The following CLASP1 variants were observed in gnomAD, a reference collection of about 807,000 sequenced individuals.
The protein encoded by CLASP1 is cytoplasmic linker associated protein 1.
CLASP1 carries 38 observed loss-of-function variants against 192.3 expected under a neutral mutation model. The ratio of observed to expected loss-of-function variants is 0.20; its 90% CI spans 0.15 to 0.26. CLASP1 has a LOEUF of 0.26. Among genes scored for constraint, CLASP1 ranks in the 10% least tolerant of loss-of-function variants. CLASP1 has a pLI of 1.00. For synonymous variants in CLASP1, 691 were observed against 712.8 expected, an observed-to-expected ratio of 0.97 and a Z score of 0.49; for missense variants, 1,433 against 1,932.5, an observed-to-expected ratio of 0.74 and a Z score of 4.85.
intron 6 of CLASP1, among the ~76,000 whole-genome samples, chr2:121,524,509 T>C (rs1489867919): frequency 6.6e-6 from 1 of 152,034 alleles, no homozygotes; most frequent in African/African-American, 2.4e-5. Context: ...CAGGCTGGAA[T>C]GCAGTGGCAC....
intron 8 of CLASP1, among the ~76,000 whole-genome samples, chr2:121,472,106 C>T (rs1302740041): frequency 6.6e-6 from 1 of 152,086 alleles, no homozygotes; most frequent in Non-Finnish European, 1.5e-5. Flanking sequence ...GTCTGTGGGA[C>T]AGGTAAAAAA....
At chr2:121,572,747 T>C (rs1175189069) in intron 2 of CLASP1, among the ~76,000 whole-genome samples, 1 of 138,808 alleles carries the variant, frequency 7.2e-6, no homozygotes. Flanking sequence ...AATATATATA[T>C]GATAATTTTT....
chr2:121,531,086 G>A (rs975585610), intron 2 of CLASP1: 16 of 669,844 alleles, frequency 2.4e-5, no homozygotes, highest in East Asian at 8.3e-5. Flanking sequence ...GGTTAAACCA[G>A]TAGAGGGTGC....
chr2:121,462,708 A>G (rs2088358806), intron 9 of CLASP1, 103 bp from the exon 10 acceptor site: 1 of 688,516 alleles, frequency 1.5e-6, no homozygotes, highest in Non-Finnish European at 2.5e-6. Context: ...ATTTTGGAAG[A>G]TTCAGAACAT....
intron 39 of CLASP1, among the ~76,000 whole-genome samples, chr2:121,344,111 A>G (rs1169353217): frequency 2.0e-5 from 3 of 152,048 alleles, no homozygotes; most frequent in Non-Finnish European, 4.4e-5. Flanking sequence ...TTATACCACA[A>G]TAAAAAGACT....
chr2:121,555,113 AAG>A (rs1009526232), intron 2 of CLASP1, among the ~76,000 whole-genome samples: 1 of 152,208 alleles, frequency 6.6e-6, no homozygotes, highest in African/African-American at 2.4e-5. Context: ...TAATGGAGTC[AAG>A]AACTCCCTGG....
At chr2:121,515,802 A>G in intron 6 of CLASP1, 40 bp from the exon 7 acceptor site, 1 of 1,566,224 alleles carries the variant, frequency 6.4e-7, no homozygotes, top group Non-Finnish European at 8.8e-7. Context: ...GCTCTGTGTC[A>G]TCCCCCAGCA....
intron 38 of CLASP1, among the ~76,000 whole-genome samples, chr2:121,348,001 A>T (rs1336365985): frequency 1.1e-4 from 14 of 132,074 alleles, no homozygotes; most frequent in Non-Finnish European, 3.1e-5. Flanking sequence ...CCATGGTGAC[A>T]CCTGTCATTG....
intron 34 of CLASP1, among the ~76,000 whole-genome samples, chr2:121,376,473 T>A (rs2070169380): frequency 6.8e-6 from 1 of 147,226 alleles, no homozygotes; most frequent in African/African-American, 2.5e-5. Context: ...TAGTAAGAGT[T>A]GAGCTCATAG....
chr2:121,630,679 C>A (rs1358230242), intron 1 of CLASP1, among the ~76,000 whole-genome samples: 1 of 150,062 alleles, frequency 6.7e-6, no homozygotes, highest in East Asian at 2.0e-4. Flanking sequence ...GCCTGGCCAA[C>A]ATGGCAAAAC....
chr2:121,486,660 T>C (rs1222574351), intron 8 of CLASP1, among the ~76,000 whole-genome samples: 2 of 152,180 alleles, frequency 1.3e-5, no homozygotes, highest in Non-Finnish European at 2.9e-5. Flanking sequence ...AGTAAGTCAG[T>C]TGGAAAAACT....
chr2:121,595,757 G>T (rs554254116), intron 2 of CLASP1, among the ~76,000 whole-genome samples: 1 of 152,168 alleles, frequency 6.6e-6, no homozygotes, highest in Non-Finnish European at 1.5e-5. Context: ...CAGAGCACAG[G>T]CTAACTGACT....
chr2:121,398,536 C>T lies in CLASP1; in HGVS notation c.2901-136G>A, dbSNP rs977479252. ...CACATTTTTAATAAATAGTGCTTTTCGTTTTATGTAGAGTAATACATGTTA... is the reference window on the plus strand; with the variant it reads ...CACATTTTTAATAAATAGTGCTTTTTGTTTTATGTAGAGTAATACATGTTA... On this transcript the variant is annotated intron_variant, in intron 28 of 39. Transcript: ENST00000263710. 5.4e-5 allele frequency: 33 copies of T among 615,642 alleles called. No homozygotes were observed. In the East Asian group the frequency reaches 8.1e-4, roughly 15 times the overall value. 38.1% of individuals were successfully genotyped at this position (615,642 alleles called of 1,614,324 possible). A position where few individuals can be genotyped will look rare whatever the true frequency, so the allele number is the denominator to read the frequency against.
chr2:121,377,510 C>T lies in CLASP1; in HGVS notation c.3631G>A (p.Glu1211Lys), dbSNP rs777778172. The T allele has an allele frequency of 1.2e-5, 19 of 1,604,126 alleles. No homozygotes were observed. In the East Asian group the frequency reaches 3.1e-4, roughly 26 times the overall value. Residue 1211 changes from glutamate (E) to lysine (K), a missense_variant, in exon 34 of 40, where the codon GAG becomes AAG. Glu to Lys is a moderately conservative substitution (Grantham distance 56). Coordinates refer to ENST00000263710, the Ensembl canonical transcript of CLASP1. ...CTAGGGATACTTACAATATCACACT[C>T]CTTTTTGCCATCTCGTTTAATTGGC...
At chr2:121,484,232 C>A (rs962272050) in intron 8 of CLASP1, among the ~76,000 whole-genome samples, 1 of 152,198 alleles carries the variant, frequency 6.6e-6, no homozygotes, top group Non-Finnish European at 1.5e-5. Context: ...TGCTCATTTT[C>A]TAGCCCAAAT....
At chr2:121,512,569 T>G (rs2094169921) in intron 7 of CLASP1, among the ~76,000 whole-genome samples, 1 of 152,224 alleles carries the variant, frequency 6.6e-6, no homozygotes. Context: ...CATGAAGATT[T>G]TGTTAACTAC....
intron 1 of CLASP1, among the ~76,000 whole-genome samples, chr2:121,616,623 T>C (rs2066507510): frequency 6.6e-6 from 1 of 152,226 alleles, no homozygotes; most frequent in Admixed American, 6.5e-5. Flanking sequence ...AGCATATTTC[T>C]ATCAATAAGA....
At chr2:121,481,033 T>TCC (rs1291582245) in intron 8 of CLASP1, among the ~76,000 whole-genome samples, 2 of 152,190 alleles carry the variant, frequency 1.3e-5, no homozygotes, top group Non-Finnish European at 2.9e-5. Context: ...GCCAAGTCAC[T>TCC]CCCCTTCTCC....
chr2:121,371,404 AT>A (rs879670440), intron 34 of CLASP1, among the ~76,000 whole-genome samples: 188 of 144,074 alleles, frequency 1.3e-3, no homozygotes, highest in Middle Eastern at 3.6e-3. Context: ...GATAAATTAA[AT>A]TTTTTTTTTT....
Sources: allele counts gnomAD v4.1 joint callset (sites outside exome capture counted in the v4.1 genomes callset), GRCh38; gene constraint gnomAD v4.1.1; transcripts MANE v1.5; gene names NCBI Gene and HGNC (gene_info 2026-07-23, HGNC 2026-07-21).